GLDN: variants seen among roughly 807,000 people sequenced by gnomAD.
GLDN encodes the protein gliomedin.
Under a neutral mutation model 56.5 loss-of-function variants are expected in GLDN, and 47 were observed. The ratio of observed to expected loss-of-function variants is 0.83; its 90% CI spans 0.66 to 1.06. GLDN has a LOEUF of 1.06. Among genes scored for constraint, GLDN ranks in the 50% least tolerant of loss-of-function variants. GLDN has a pLI of 0.00. For missense variants in GLDN, 782 were observed against 714.3 expected, an observed-to-expected ratio of 1.09 and a Z score of -1.08; for synonymous variants, 332 against 278.8, an observed-to-expected ratio of 1.19 and a Z score of -1.90.
At position 51,358,114 on chromosome 15, in the gene GLDN, C is replaced by G. The variant is rs1052197700; in HGVS notation, c.363+16067C>G. Among the ~76,000 whole-genome samples, 3 of 152,200 alleles carry G rather than the reference C, an allele frequency of 2.0e-5. 1 individual carries two copies. Among genetic ancestry groups the G allele is most frequent in the South Asian group, 4.1e-4 (2 of 4,830 alleles). Reference sequence around the variant, plus strand: ...TCCCATCTGGGATCAGCGATTAAAACTGTAGAACTTCTCCACTCAAAGCAA... The same window carrying G: ...TCCCATCTGGGATCAGCGATTAAAAGTGTAGAACTTCTCCACTCAAAGCAA... On this transcript the variant is annotated intron_variant, in intron 1 of 9. Coordinates refer to ENST00000335449, the MANE Select transcript of GLDN (RefSeq NM_181789.4).
At chr15:51,412,599 A>G (rs2038478532), downstream of GLDN, among the ~76,000 whole-genome samples, 1 of 152,268 alleles carries the variant, frequency 6.6e-6, no homozygotes, top group Non-Finnish European at 1.5e-5. Flanking sequence ...ATGTTAGCAT[A>G]GGATATCTTT....
chr15:51,389,738 T>C (rs1427342348), intron 4 of GLDN, among the ~76,000 whole-genome samples: 1 of 152,146 alleles, frequency 6.6e-6, no homozygotes, highest in Non-Finnish European at 1.5e-5. Context: ...TTCGAGACGG[T>C]AACTGCAGCA....
At chr15:51,386,877 G>A (rs762779706) in intron 4 of GLDN, among the ~76,000 whole-genome samples, 11 of 152,214 alleles carry the variant, frequency 7.2e-5, no homozygotes, top group South Asian at 4.2e-4. Context: ...GGGGAGCCCC[G>A]CACTCAACTC....
rs766479428 is a variant in GLDN at position 51,383,804 on chromosome 15, G to T, written c.453G>T (p.Gly151=). The T allele has an allele frequency of 8.7e-6, 14 of 1,611,326 alleles. No homozygotes were observed. The highest frequency in any genetic ancestry group is 8.5e-6 in the Non-Finnish European group (10 of 1,179,060). Residue 151 remains glycine (G), a synonymous_variant, in exon 4 of 10, where the codon GGG becomes GGT. Transcript: ENST00000335449. ...SGPPGPPGAG[G]LPGHNGLDGQ... ...ATGCAGGACCTCCGGGAGCCGGCGG[G>T]TTGCCAGGACACAACGGATTGGATG...
At chr15:51,371,651 T>G (rs573733871) in intron 1 of GLDN, among the ~76,000 whole-genome samples, 7 of 152,334 alleles carry the variant, frequency 4.6e-5, no homozygotes, top group African/African-American at 1.7e-4. Flanking sequence ...CTGTTTATTA[T>G]AACAGAATAC....
At chr15:51,349,097 T>C (rs2037030382) in intron 1 of GLDN, among the ~76,000 whole-genome samples, 1 of 152,208 alleles carries the variant, frequency 6.6e-6, no homozygotes, top group African/African-American at 2.4e-5. Context: ...ATTCTTAGGG[T>C]AGTTCCCAGC....
rs186131138 is a variant in GLDN, at chr15:51,404,567, T to C, written c.1469T>C (p.Met490Thr). ...CTCTATGTCACAGACACCAAAGATA[T>C]GAGGGTCACATTTGCCTTTGATTTG... ...GILYVTDTKD[M>T]RVTFAFDLLG... is the part of the protein sequence containing the mutation. The change falls in exon 10 of 10, where the codon ATG (methionine) becomes ACG (threonine). Residue 490 changes from methionine (M) to threonine (T), a missense_variant. Met to Thr is a moderately conservative substitution (Grantham distance 81, BLOSUM62 -1). Coordinates refer to ENST00000335449, the MANE Select transcript of GLDN (RefSeq NM_181789.4). 207 of 1,614,186 alleles carry C rather than the reference T, an allele frequency of 1.3e-4. No individual in the cohort carries two copies. In the African/African-American group the frequency reaches 2.3e-3, roughly 18 times the overall value.
intron 6 of GLDN, among the ~76,000 whole-genome samples, chr15:51,398,894 G>A (rs755993161): frequency 3.3e-5 from 5 of 152,184 alleles, no homozygotes; most frequent in African/African-American, 4.8e-5. Flanking sequence ...AGCCAGTGAC[G>A]GCCCTTGTCT....
chr15:51,404,512 G>A lies in GLDN; in HGVS notation c.1414G>A (p.Ala472Thr). Residue 472 changes from alanine (A) to threonine (T), a missense_variant, in exon 10 of 10, where the codon GCT (alanine) becomes ACT (threonine). Transcript: ENST00000335449. ...HVNTTYPKSKAGNAFIARGIL... is the reference protein window; with the variant it reads ...HVNTTYPKSKTGNAFIARGIL... ...CAATACCACGTACCCTAAATCCAAG[G>A]CTGGCAACGCCTTCATTGCCCGAGG... is the stretch of plus-strand genomic sequence containing the variant. 6.2e-7 allele frequency: 1 copy of A among 1,614,108 alleles called. No individual in the cohort carries two copies. Among genetic ancestry groups the A allele is most frequent in the Non-Finnish European group, 8.5e-7 (1 of 1,180,000 alleles).
chr15:51,374,736 C>CTTT (rs71297688), intron 1 of GLDN, among the ~76,000 whole-genome samples: 1,245 of 110,236 alleles, frequency 0.011, 31 homozygotes, highest in African/African-American at 0.037. Flanking sequence ...CTTTCTTTTC[C>CTTT]TTTTTTTTTT....
At chr15:51,386,814 A>C (rs1050383043) in intron 4 of GLDN, among the ~76,000 whole-genome samples, 2 of 152,134 alleles carry the variant, frequency 1.3e-5, no homozygotes, top group Non-Finnish European at 2.9e-5. Context: ...ACTGACCCTA[A>C]GGTTGCTGTC....
chr15:51,387,664 G>A (rs867541297), intron 4 of GLDN, among the ~76,000 whole-genome samples: 15 of 152,284 alleles, frequency 9.9e-5, no homozygotes, highest in African/African-American at 2.6e-4. Context: ...AGGATCATTC[G>A]TGGTTTGCCA....
chr15:51,391,363 CTGTT>C (rs1204273061), intron 4 of GLDN, among the ~76,000 whole-genome samples: 2 of 152,132 alleles, frequency 1.3e-5, no homozygotes, highest in Non-Finnish European at 2.9e-5. Flanking sequence ...ATGCAGAAGG[CTGTT>C]TGTGACTAGA....
At chr15:51,402,020 G>T (rs915013128) in intron 9 of GLDN, among the ~76,000 whole-genome samples, 33 of 152,208 alleles carry the variant, frequency 2.2e-4, no homozygotes, top group Admixed American at 1.3e-3. Context: ...GGTGACGGCC[G>T]CAGCTTCCCC....
Position 51,404,467 on chromosome 15 carries a change from T to G in GLDN, c.1369T>G (p.Phe457Val), listed in dbSNP as rs1191845674. The part of the protein sequence containing the change: ...ILVAQLDERT[F>V]SVVQHVNTTY... ...TGTAGCACAACTGGATGAGAGGACATTCTCAGTGGTGCAACACGTCAATAC... is the reference window on the plus strand; with the variant it reads ...TGTAGCACAACTGGATGAGAGGACAGTCTCAGTGGTGCAACACGTCAATAC... Residue 457 changes from phenylalanine (F) to valine (V), a missense_variant, in exon 10 of 10, where the codon TTC (phenylalanine) becomes GTC (valine). Physicochemically the swap from Phe to Val is conservative, Grantham distance 50. Transcript: ENST00000335449. 1 of 1,614,086 alleles carries G rather than the reference T, an allele frequency of 6.2e-7. No individual in the cohort carries two copies. The highest frequency in any genetic ancestry group is 1.3e-5 in the African/African-American group (1 of 74,936).
intron 1 of GLDN, among the ~76,000 whole-genome samples, chr15:51,363,607 G>A (rs1340593937): frequency 6.6e-6 from 1 of 152,164 alleles, no homozygotes; most frequent in African/African-American, 2.4e-5. Flanking sequence ...GCGAGTGGGA[G>A]GGAAAAGAAA....
At chr15:51,382,587 G>A (rs1218214985) in intron 2 of GLDN, among the ~76,000 whole-genome samples, 4 of 151,702 alleles carry the variant, frequency 2.6e-5, no homozygotes, top group Admixed American at 2.0e-4. Context: ...TTAGCCGGGC[G>A]TGGTGGCGGG....
chr15:51,343,813 T>C (rs1421886577), intron 1 of GLDN, among the ~76,000 whole-genome samples: 1 of 152,188 alleles, frequency 6.6e-6, no homozygotes, highest in South Asian at 2.1e-4. Context: ...AGGAATCAGC[T>C]GGAAGCATAT....
chr15:51,412,412 C>T (rs1298048446), downstream of GLDN, among the ~76,000 whole-genome samples: 1 of 152,202 alleles, frequency 6.6e-6, no homozygotes, highest in Non-Finnish European at 1.5e-5. Context: ...TTTGGTCTCT[C>T]TTGTCCTTAG....
Sources: allele counts gnomAD v4.1 joint callset (sites outside exome capture counted in the v4.1 genomes callset), GRCh38; gene constraint gnomAD v4.1.1; transcripts MANE v1.5; gene names NCBI Gene and HGNC (gene_info 2026-07-23, HGNC 2026-07-21).